The following CSNK2A1 variants were observed in gnomAD, a reference collection of about 807,000 sequenced individuals.
CSNK2A1 encodes casein kinase 2 alpha 1.
In CSNK2A1, 10 loss-of-function variants were observed where a neutral mutation model predicts 62.9. The ratio of observed to expected loss-of-function variants is 0.16; its 90% CI spans 0.10 to 0.27. The LOEUF (loss-of-function observed/expected upper bound fraction) is 0.27. CSNK2A1 is among the 10% of genes least tolerant of loss of function. The pLI is 1.00. For synonymous variants in CSNK2A1, 124 were observed against 167.8 expected, an observed-to-expected ratio of 0.74 and a Z score of 2.02; for missense variants, 160 against 492.0, an observed-to-expected ratio of 0.33 and a Z score of 6.38.
intron 2 of CSNK2A1, among the ~76,000 whole-genome samples, chr20:512,777 CA>C: frequency 6.6e-6 from 1 of 152,212 alleles, no homozygotes; most frequent in South Asian, 2.1e-4. Context: ...ATTCAAGTAC[CA>C]AAAGTCTTTA....
chr20:515,877 T>C (rs1235021008), intron 2 of CSNK2A1, among the ~76,000 whole-genome samples: 1 of 152,220 alleles, frequency 6.6e-6, no homozygotes, highest in Admixed American at 6.5e-5. Context: ...GGTACGCAAC[T>C]AGGAGAACTG....
In CSNK2A1 at chr20:509,010, G is replaced by C. The variant is rs531080486; in HGVS notation, c.-109-350C>G. The stretch of plus-strand genomic sequence containing the variant: ...TATATTCTACAAAAGGTATTGGCAA[G>C]AAAAATACTTTCTTTTCAGCAGCTT... On this transcript the variant is annotated intron_variant, in intron 2 of 13. Coordinates refer to ENST00000217244, the MANE Select transcript of CSNK2A1 (RefSeq NM_177559.3). Among the ~76,000 whole-genome samples the C allele has an allele frequency of 2.6e-5, 4 of 152,326 alleles. No homozygotes were observed. The East Asian group carries it at 7.7e-4, about 29-fold the overall frequency.
At chr20:505,045 T>C (rs1386359945) in intron 4 of CSNK2A1, 73 bp downstream of exon 4, 1 of 1,357,954 alleles carries the variant, frequency 7.4e-7, no homozygotes, top group South Asian at 1.4e-5. Flanking sequence ...TAAATGCTGT[T>C]TTAAAAAAGT....
rs2018407968 is a variant in CSNK2A1 at position 499,224 on chromosome 20, C to T, written c.366+31G>A. ...AAAGGCTATGTGGTCTAAAAACCCA[C>T]TAGCCCGAAACAGTTGGTTATATAT... On this transcript the variant is annotated intron_variant, in intron 6 of 13. Transcript: ENST00000217244. This position sits in a 1 kb window ranked among gnomAD's most constrained non-coding sequence, Gnocchi z 4.2. 1 of 1,561,474 alleles carries T rather than the reference C, an allele frequency of 6.4e-7. No homozygotes were observed.
At chr20:497,082 C>G (rs550700157) in intron 7 of CSNK2A1, among the ~76,000 whole-genome samples, 38 of 152,182 alleles carry the variant, frequency 2.5e-4, no homozygotes, top group African/African-American at 8.7e-4. Context: ...TCAAATTGTT[C>G]TAAATTATAC....
At chr20:532,704 G>A (rs866316855) in intron 1 of CSNK2A1, among the ~76,000 whole-genome samples, 1 of 151,986 alleles carries the variant, frequency 6.6e-6, no homozygotes, top group Non-Finnish European at 1.5e-5. Flanking sequence ...ATCACGACCT[G>A]AATAGTCAAA....
chr20:479,908 T>G lies in CSNK2A1; in HGVS notation c.*4053A>C, dbSNP rs1279134138. 1 of 152,206 alleles carries G rather than the reference T, an allele frequency of 6.6e-6. No homozygotes were observed. The highest frequency in any genetic ancestry group is 2.4e-5 in the African/African-American group (1 of 41,450). 9.4% of individuals were successfully genotyped at this position (152,206 alleles called of 1,614,324 possible). ...AAATTTCAGATTAGGAATATTGAAC[T>G]GGTATGTATTCCGCAAATATTCCAA... On this transcript the variant is annotated 3_prime_UTR_variant, in exon 14 of 14. Transcript: ENST00000217244.
intron 2 of CSNK2A1, among the ~76,000 whole-genome samples, chr20:523,858 C>CAAAAAAAAGA (rs2019003445): frequency 2.2e-5 from 1 of 45,546 alleles, no homozygotes; most frequent in African/African-American, 9.2e-5. Context: ...GACTCCATCT[C>CAAAAAAAAGA]AAAAAAAAAA....
At chr20:500,046 G>A in intron 4 of CSNK2A1, 112 bp from the exon 5 acceptor site, 1 of 772,252 alleles carries the variant, frequency 1.3e-6, no homozygotes, top group Non-Finnish European at 2.1e-6. Context: ...AGCACACCTT[G>A]AAGGAAGAAA....
intron 2 of CSNK2A1, among the ~76,000 whole-genome samples, chr20:522,883 C>T (rs1253461239): frequency 6.6e-6 from 1 of 152,000 alleles, no homozygotes; most frequent in Admixed American, 6.6e-5. Flanking sequence ...CTTCTGAGAA[C>T]CAGGTTGGTC....
chr20:502,623 A>G (rs2018494527), intron 4 of CSNK2A1: 1 of 152,256 alleles, frequency 6.6e-6, no homozygotes, highest in African/African-American at 2.4e-5. Context: ...AGTAAAATAT[A>G]CAATACAGTT....
At chr20:501,988 T>G (rs780173294) in intron 4 of CSNK2A1, 1 of 152,186 alleles carries the variant, frequency 6.6e-6, no homozygotes, top group East Asian at 1.9e-4. Flanking sequence ...AAGCACATGA[T>G]AGCAGAAAGC....
intron 3 of CSNK2A1, chr20:506,273 C>T (rs769804641): frequency 6.6e-6 from 1 of 152,226 alleles, no homozygotes; most frequent in Non-Finnish European, 1.5e-5. Context: ...TTCAATCTAG[C>T]CACACTTTGG....
intron 12 of CSNK2A1, 51 bp from the exon 13 acceptor site, chr20:486,513 T>A: frequency 1.3e-6 from 2 of 1,598,712 alleles, no homozygotes; most frequent in Non-Finnish European, 1.7e-6. Flanking sequence ...AAGATTAAAC[T>A]AATGGTCTGG....
At chr20:491,513 A>T (rs1414631144) in intron 9 of CSNK2A1, among the ~76,000 whole-genome samples, 2 of 152,118 alleles carry the variant, frequency 1.3e-5, no homozygotes, top group Admixed American at 1.3e-4. Flanking sequence ...CACACAAAAA[A>T]ATTAAAAATT....
chr20:501,767 A>G (rs1280033733), intron 4 of CSNK2A1: 1 of 152,144 alleles, frequency 6.6e-6, no homozygotes, highest in Admixed American at 6.5e-5. Flanking sequence ...TCATCTCTTC[A>G]TTAACAAGAT....
intron 4 of CSNK2A1, chr20:500,175 C>A (rs1412764414): frequency 2.2e-6 from 1 of 461,026 alleles, no homozygotes; most frequent in African/African-American, 1.9e-5. Context: ...GACACTTCTG[C>A]AGAATTAGCA....
chr20:506,527 C>CCCTG (rs2018605850), intron 3 of CSNK2A1: 2 of 152,094 alleles, frequency 1.3e-5, no homozygotes, highest in Admixed American at 1.3e-4. Context: ...TTCCTCCTGC[C>CCCTG]CCTGCCTGCT....
intron 2 of CSNK2A1, 58 bp from the exon 3 acceptor site, chr20:508,718 G>A (rs1348059277): frequency 1.7e-6 from 1 of 588,448 alleles, no homozygotes; most frequent in Non-Finnish European, 3.0e-6. Context: ...ATATGGGAAG[G>A]AAATAATCTT....
Sources: allele counts gnomAD v4.1 joint callset (sites outside exome capture counted in the v4.1 genomes callset), GRCh38; gene constraint gnomAD v4.1.1; non-coding constraint Gnocchi (gnomAD v3.1); transcripts MANE v1.5; gene names NCBI Gene and HGNC (gene_info 2026-07-23, HGNC 2026-07-21).